The following SMURF2 variants were observed in gnomAD, a reference collection of about 807,000 sequenced individuals.
SMURF2 encodes E3 ubiquitin-protein ligase SMURF2.
SMURF2 carries 48 observed loss-of-function variants against 109.6 expected under a neutral mutation model. The observed-to-expected ratio is 0.44, with a 90% CI of 0.35 to 0.56. The LOEUF (loss-of-function observed/expected upper bound fraction) is 0.56, where lower values mean the gene tolerates loss of function less well. Ranked by LOEUF, SMURF2 falls within the 20% of genes least tolerant of loss-of-function variation. The pLI, the probability that SMURF2 is intolerant of heterozygous loss-of-function variation, is 0.01. For synonymous variants in SMURF2, 288 were observed against 317.1 expected, an observed-to-expected ratio of 0.91 and a Z score of 0.97; for missense variants, 575 against 909.0, an observed-to-expected ratio of 0.63 and a Z score of 4.72.
intron 2 of SMURF2, among the ~76,000 whole-genome samples, chr17:64,605,214 C>G (rs943649980): frequency 6.6e-6 from 1 of 151,946 alleles, no homozygotes; most frequent in Non-Finnish European, 1.5e-5. Flanking sequence ...AAGCTTCTGG[C>G]GAGAAGGCAC....
chr17:64,632,862 G>C (rs1436930720), intron 1 of SMURF2, among the ~76,000 whole-genome samples: 2 of 152,204 alleles, frequency 1.3e-5, no homozygotes, highest in Non-Finnish European at 2.9e-5. Flanking sequence ...ATGACAATAT[G>C]ATAGTATTTG....
intron 1 of SMURF2, among the ~76,000 whole-genome samples, chr17:64,614,742 A>G (rs1247474304): frequency 6.6e-6 from 1 of 152,252 alleles, no homozygotes; most frequent in Non-Finnish European, 1.5e-5. Flanking sequence ...TCACTCTCTC[A>G]TTCAACATTT....
intron 1 of SMURF2, among the ~76,000 whole-genome samples, chr17:64,633,662 G>A (rs1253937958): frequency 6.6e-6 from 1 of 152,062 alleles, no homozygotes; most frequent in Non-Finnish European, 1.5e-5. Context: ...GTTGATTAGA[G>A]GCATTAGAGA....
chr17:64,605,744 AATATATATATATATATATATAT>A (rs71158333), intron 2 of SMURF2, among the ~76,000 whole-genome samples: 11 of 99,102 alleles, frequency 1.1e-4, no homozygotes, highest in African/African-American at 3.6e-4. Context: ...CTCTAAAAAG[AATATATATATATATATATATAT>A]ATATATATAT....
intron 5 of SMURF2, among the ~76,000 whole-genome samples, chr17:64,589,030 C>G (rs1969711746): frequency 1.3e-5 from 2 of 152,142 alleles, no homozygotes; most frequent in Admixed American, 1.3e-4. Flanking sequence ...TCTGAACGAA[C>G]TGGAACTCAT....
At chr17:64,627,644 T>G (rs564653305) in intron 1 of SMURF2, among the ~76,000 whole-genome samples, 1 of 152,318 alleles carries the variant, frequency 6.6e-6, no homozygotes, top group East Asian at 1.9e-4. Flanking sequence ...GGACACCTAG[T>G]CTGCTGCGGC....
At chr17:64,655,353 GT>G (rs1970692656) in intron 1 of SMURF2, among the ~76,000 whole-genome samples, 1 of 146,560 alleles carries the variant, frequency 6.8e-6, no homozygotes, top group Non-Finnish European at 1.5e-5. Context: ...CACCTCCCAG[GT>G]TCAAGCGATT....
chr17:64,581,635 A>T lies in SMURF2; in HGVS notation c.570-644T>A, dbSNP rs1969579242. Among the ~76,000 whole-genome samples the T allele has an allele frequency of 1.3e-5, 2 of 152,114 alleles. No homozygotes were observed. Among genetic ancestry groups the T allele is most frequent in the Admixed American group, 1.3e-4 (2 of 15,280 alleles). The stretch of plus-strand genomic sequence containing the variant: ...TGCAGATCTTTCAAAATAAAAAAAT[A>T]ATCAAGAGTTCATTCTTAAATTAAC... On this transcript the variant is annotated intron_variant, in intron 7 of 18. Coordinates refer to ENST00000262435, the MANE Select transcript of SMURF2 (RefSeq NM_022739.4). This position sits in a 1 kb window ranked among gnomAD's most constrained non-coding sequence, Gnocchi z 4.3.
At chr17:64,598,243 C>A in intron 3 of SMURF2, 139 bp downstream of exon 3, 3 of 580,058 alleles carry the variant, frequency 5.2e-6, no homozygotes, top group Non-Finnish European at 8.4e-6. Flanking sequence ...CACATTCCCA[C>A]TGGGCTTTTC....
chr17:64,614,825 T>C (rs1274959862), intron 1 of SMURF2, among the ~76,000 whole-genome samples: 1 of 152,244 alleles, frequency 6.6e-6, no homozygotes, highest in African/African-American at 2.4e-5. Flanking sequence ...CATAGTCCTT[T>C]GCTCTCAGAG....
chr17:64,578,722 T>G, intron 8 of SMURF2, 146 bp from the exon 9 acceptor site: 1 of 599,234 alleles, frequency 1.7e-6, no homozygotes, highest in East Asian at 2.8e-5. Flanking sequence ...GCTTTACAAA[T>G]CATTTGTTCT....
chr17:64,573,448 A>G (rs923970618), intron 9 of SMURF2, among the ~76,000 whole-genome samples: 1 of 152,174 alleles, frequency 6.6e-6, no homozygotes, highest in Non-Finnish European at 1.5e-5. Flanking sequence ...TGATGGGCAC[A>G]CAGGGACCTA....
At chr17:64,656,667 C>T (rs963299724) in intron 1 of SMURF2, among the ~76,000 whole-genome samples, 10 of 151,542 alleles carry the variant, frequency 6.6e-5, no homozygotes, top group African/African-American at 2.4e-4. Context: ...AAAAAAGAAT[C>T]CTTAAAAAAA....
rs116040167 is a variant in SMURF2 at position 64,618,065 on chromosome 17, A to T, written c.53-11425T>A. On this transcript the variant is annotated intron_variant, in intron 1 of 18. Transcript: ENST00000262435. ...ATTATAATTTTTTTTACTTATCGTG[A>T]TCAGAGGTAATTTTAAAGTAAAGCT... Among the ~76,000 whole-genome samples, 303 of 152,278 alleles carry T rather than the reference A, an allele frequency of 2.0e-3. 1 individual carries two copies. Among genetic ancestry groups the T allele is most frequent in the African/African-American group, 7.1e-3 (293 of 41,556 alleles).
rs1482091668 is a variant in SMURF2 at position 64,653,110 on chromosome 17, C to A, written c.52+8719G>T. 1.4e-5 allele frequency among the ~76,000 whole-genome samples: 2 copies of A among 147,484 alleles called. 1 individual carries two copies. The highest frequency in any genetic ancestry group is 4.0e-4 in the East Asian group (2 of 5,010). ...TCTCTTTGGGACATCTTTTGGGGGG[C>A]GGTGGGGGAGCTACAGTCCGGGAGA... On this transcript the variant is annotated intron_variant, in intron 1 of 18. Transcript: ENST00000262435.
At chr17:64,641,900 G>A (rs1970497613) in intron 1 of SMURF2, among the ~76,000 whole-genome samples, 2 of 152,130 alleles carry the variant, frequency 1.3e-5, no homozygotes, top group African/African-American at 4.8e-5. Context: ...TCCACCTCCT[G>A]GATTCAAGCA....
chr17:64,654,571 T>G (rs1268234353), intron 1 of SMURF2, among the ~76,000 whole-genome samples: 1 of 152,166 alleles, frequency 6.6e-6, no homozygotes, highest in East Asian at 1.9e-4. Context: ...GGCTCATGCC[T>G]GTAATCCCAG....
rs147392473 is a variant in SMURF2, at chr17:64,626,932, T to TA, written c.53-20293dup. ...CATGAAGGACATGCACGTATTCCCCTAAAAAAAAAAAACAAACAAAAACCT... is the reference window on the plus strand; with the variant it reads ...CATGAAGGACATGCACGTATTCCCCTAAAAAAAAAAAAACAAACAAAAACCT... On this transcript the variant is annotated intron_variant, in intron 1 of 18. Coordinates refer to ENST00000262435, the MANE Select transcript of SMURF2 (RefSeq NM_022739.4). Among the ~76,000 whole-genome samples, 480 of 139,842 alleles carry TA rather than the reference T, an allele frequency of 3.4e-3. 3 individuals are homozygous for TA. The highest frequency in any genetic ancestry group is 4.6e-3 in the Non-Finnish European group (291 of 63,420). 91.7% of individuals were successfully genotyped at this position (139,842 alleles called of 152,430 possible). A position where few individuals can be genotyped will look rare whatever the true frequency, so the allele number is the denominator to read the frequency against.
intron 8 of SMURF2, 81 bp from the exon 9 acceptor site, chr17:64,578,657 C>A: frequency 1.2e-6 from 1 of 838,188 alleles, no homozygotes; most frequent in Non-Finnish European, 1.9e-6. Context: ...AGATGATATA[C>A]TAATAGGGAA....
Sources: gnomAD v4.1 joint callset for allele counts (sites outside exome capture counted in the v4.1 genomes callset) on GRCh38, gnomAD v4.1.1 for gene constraint, Gnocchi (gnomAD v3.1) non-coding constraint, MANE v1.5 for transcripts, NCBI Gene and HGNC (gene_info 2026-07-23, HGNC 2026-07-21) for gene names.